The following DLG3 variants were observed in gnomAD, a reference collection of about 807,000 sequenced individuals.
The protein encoded by DLG3 is discs large MAGUK scaffold protein 3.
Under a neutral mutation model 64.1 loss-of-function variants are expected in DLG3, and 1 was observed. The ratio of observed to expected loss-of-function variants is 0.02; its 90% confidence interval spans 0.01 to 0.07. The LOEUF is 0.07. Ranked by LOEUF, DLG3 falls within the 10% of genes least tolerant of loss-of-function variation. The pLI, the probability that DLG3 is intolerant of heterozygous loss-of-function variation, is 1.00. For synonymous variants in DLG3, 245 were observed against 259.8 expected (o/e 0.94, Z 0.55); for missense variants, 429 against 669.5 (o/e 0.64, Z 3.96).
chrX:70,493,456 G>A, intron 12 of DLG3: 1 of 1,206,926 alleles, frequency 8.3e-7, no homozygotes, highest in Non-Finnish European at 1.1e-6. Flanking sequence ...ACATGGCCCA[G>A]GAGAGCAGCA....
chrX:70,478,292 A>G (rs1156867653), intron 9 of DLG3, among the ~76,000 whole-genome samples: 2 of 112,181 alleles, frequency 1.8e-5, no homozygotes, highest in Non-Finnish European at 3.8e-5. Flanking sequence ...GTACAGCTAG[A>G]GTTAATTTTC....
intron 9 of DLG3, chrX:70,455,093 C>A (rs1417799214): frequency 1.4e-6 from 1 of 715,709 alleles, no homozygotes; most frequent in South Asian, 7.2e-5. Context: ...GCCCCTCCTT[C>A]CCCCCATCGC....
rs766160756 is a variant in DLG3 at position 70,452,275 on chromosome X, G to A, written c.1145+249G>A. On this transcript the variant is annotated intron_variant, in intron 7 of 18. Coordinates refer to ENST00000374360, the MANE Select transcript of DLG3 (RefSeq NM_021120.4). Reference sequence around the variant, plus strand: ...TGAGTGGCCCCGGTCCAAAAGTGCAGATAAAGAAAGGATGGGGTGGAGCGT... The same window carrying A: ...TGAGTGGCCCCGGTCCAAAAGTGCAAATAAAGAAAGGATGGGGTGGAGCGT... 45 of 1,062,720 alleles carry A rather than the reference G, an allele frequency of 4.2e-5. No homozygotes were observed. In the South Asian group the frequency reaches 1.1e-3, roughly 27 times the overall value. The allele number at this position is 1,062,720 out of a possible 1,213,427, so 87.6% of individuals were successfully genotyped here. A position where few individuals can be genotyped will look rare whatever the true frequency, so the allele number is the denominator to read the frequency against.
At chrX:70,481,351 T>C (rs958179730) in intron 10 of DLG3, among the ~76,000 whole-genome samples, 17 of 112,490 alleles carry the variant, frequency 1.5e-4, no homozygotes, top group Non-Finnish European at 2.8e-4. Flanking sequence ...TGCCAAATTA[T>C]TGGCCAGAAA....
chrX:70,453,801 G>A lies in DLG3; in HGVS notation c.1302+8G>A. The A allele has an allele frequency of 1.7e-6, 2 of 1,180,668 alleles. No individual in the cohort carries two copies. Among genetic ancestry groups the A allele is most frequent in the Non-Finnish European group, 2.3e-6 (2 of 877,304 alleles). ...GGAGACCGGATCTTATCGGTGAGGA[G>A]ACAAAGGAGAGGTGGGAGGATGGGA... On this transcript the variant is annotated splice_region_variant and intron_variant, in intron 8 of 18. Coordinates refer to ENST00000374360, the MANE Select transcript of DLG3 (RefSeq NM_021120.4).
chrX:70,450,360 A>G, intron 5 of DLG3, 55 bp downstream of exon 5: 2 of 1,141,024 alleles, frequency 1.8e-6, no homozygotes, highest in Non-Finnish European at 2.3e-6. Flanking sequence ...GAGGAGCTCC[A>G]GTACCCCTTA....
At chrX:70,456,953 A>G (rs1425271268) in intron 9 of DLG3, among the ~76,000 whole-genome samples, 1 of 112,005 alleles carries the variant, frequency 8.9e-6, no homozygotes, top group African/African-American at 3.3e-5. Flanking sequence ...AATAATCCAA[A>G]TACATGTATG....
At chrX:70,500,656 T>C in intron 17 of DLG3, 76 bp downstream of exon 17, 1 of 893,613 alleles carries the variant, frequency 1.1e-6, no homozygotes, top group Non-Finnish European at 1.6e-6. Flanking sequence ...GAAAGTGATT[T>C]GCTGGGCAGA....
chrX:70,484,871 G>C (rs1309183267), intron 10 of DLG3, among the ~76,000 whole-genome samples: 1 of 111,768 alleles, frequency 8.9e-6, no homozygotes, highest in Non-Finnish European at 1.9e-5. Flanking sequence ...AGGGAGGCCC[G>C]ATCACTCCTT....
At chrX:70,495,383 C>T (rs1196390891) in intron 12 of DLG3, 25 bp from the exon 13 acceptor site, 1 of 1,208,271 alleles carries the variant, frequency 8.3e-7, no homozygotes, top group Non-Finnish European at 1.1e-6. Flanking sequence ...CGTCCTCTCT[C>T]CGCCCTTGCT....
At chrX:70,448,749 C>T (rs2086590349) in intron 1 of DLG3, 164 bp from the exon 2 acceptor site, 1 of 947,664 alleles carries the variant, frequency 1.1e-6, no homozygotes. Context: ...GAGTGAGGAG[C>T]GGCCTCTTCC....
At chrX:70,484,670 C>G in intron 10 of DLG3, among the ~76,000 whole-genome samples, 1 of 112,172 alleles carries the variant, frequency 8.9e-6, no homozygotes, top group Non-Finnish European at 1.9e-5. Context: ...CCTGGGCTTG[C>G]ACTCATAATC....
chrX:70,468,988 T>C (rs1472320699), intron 9 of DLG3, among the ~76,000 whole-genome samples: 1 of 110,754 alleles, frequency 9.0e-6, no homozygotes, highest in African/African-American at 3.3e-5. Flanking sequence ...GACCCATCAT[T>C]AGAAACTAAC....
chrX:70,488,970 G>A (rs1246381992), intron 10 of DLG3, among the ~76,000 whole-genome samples: 7 of 112,119 alleles, frequency 6.2e-5, no homozygotes, highest in Non-Finnish European at 9.4e-5. Context: ...ATAGACTTGG[G>A]TACCATTTTT....
At chrX:70,481,306 A>G (rs1017542715) in intron 10 of DLG3, among the ~76,000 whole-genome samples, 5 of 112,393 alleles carry the variant, frequency 4.4e-5, no homozygotes, top group Admixed American at 3.8e-4. Flanking sequence ...ATAGTCCCTT[A>G]AACTATTGTC....
intron 10 of DLG3, among the ~76,000 whole-genome samples, chrX:70,486,669 T>TTTTTTTTC (rs35640309): frequency 2.0e-5 from 2 of 102,030 alleles, no homozygotes; most frequent in Non-Finnish European, 2.0e-5. Context: ...TTTTTTTTTT[T>TTTTTTTTC]CATGCTCACT....
At chrX:70,469,096 G>A (rs1282107636) in intron 9 of DLG3, among the ~76,000 whole-genome samples, 1 of 109,875 alleles carries the variant, frequency 9.1e-6, no homozygotes, top group African/African-American at 3.3e-5. Flanking sequence ...CTGTAGCCTT[G>A]AACCCCTGGG....
chrX:70,499,105 C>T, intron 14 of DLG3, 71 bp from the exon 15 acceptor site: 1 of 769,999 alleles, frequency 1.3e-6, no homozygotes, highest in Non-Finnish European at 2.0e-6. Flanking sequence ...TGTGTTCTAG[C>T]CAGACTCAGG....
chrX:70,483,292 A>T (rs1439845507), intron 10 of DLG3, among the ~76,000 whole-genome samples: 1 of 112,327 alleles, frequency 8.9e-6, no homozygotes, highest in Admixed American at 9.4e-5. Context: ...TCTATAAAAA[A>T]TTATAAAAAA....
Sources: gnomAD v4.1 joint callset for allele counts (sites outside exome capture counted in the v4.1 genomes callset) on GRCh38, gnomAD v4.1.1 for gene constraint, MANE v1.5 for transcripts, NCBI Gene and HGNC (gene_info 2026-07-23, HGNC 2026-07-21) for gene names.